The following FAM107B variants were observed in gnomAD, a reference collection of about 807,000 sequenced individuals.
FAM107B encodes the protein family with sequence similarity 107 member B, also known as protein FAM107B.
FAM107B carries 21 observed loss-of-function variants against 31.5 expected under a neutral mutation model. The ratio of observed to expected loss-of-function variants is 0.67; its 90% confidence interval spans 0.47 to 0.96. FAM107B has a LOEUF of 0.96. Among genes scored for constraint, FAM107B ranks in the 40% least tolerant of loss-of-function variants. The probability of loss-of-function intolerance (pLI) is 0.00; values close to 1 mark genes in which losing one functional copy is unlikely to be tolerated. For synonymous variants in FAM107B, 157 were observed against 141.5 expected (o/e 1.11, Z -0.78); for missense variants, 452 against 377.1 (o/e 1.20, Z -1.64).
chr10:14,766,903 C>T (rs1833173484), intron 1 of FAM107B, among the ~76,000 whole-genome samples: 1 of 149,396 alleles, frequency 6.7e-6, no homozygotes, highest in African/African-American at 2.5e-5. Context: ...TCAAACTCCT[C>T]CAAAGAACTG....
intron 2 of FAM107B, chr10:14,661,593 G>C (rs1328271841): frequency 6.6e-6 from 1 of 152,144 alleles, no homozygotes; most frequent in African/African-American, 2.4e-5. Flanking sequence ...TCACCACTGG[G>C]GCTCTTGGAT....
At chr10:14,561,460 G>C (rs1390458014) in intron 2 of FAM107B, among the ~76,000 whole-genome samples, 1 of 152,156 alleles carries the variant, frequency 6.6e-6, no homozygotes, top group Admixed American at 6.5e-5. Context: ...AAAGAGCTTT[G>C]GGCAGACGGA....
intron 1 of FAM107B, among the ~76,000 whole-genome samples, chr10:14,675,480 G>A (rs1280870153): frequency 6.6e-6 from 1 of 152,032 alleles, no homozygotes; most frequent in Non-Finnish European, 1.5e-5. Flanking sequence ...GTCATCCAAG[G>A]CCTGGTTCCA....
chr10:14,562,538 T>C (rs1850330904), intron 2 of FAM107B, among the ~76,000 whole-genome samples: 1 of 152,178 alleles, frequency 6.6e-6, no homozygotes, highest in African/African-American at 2.4e-5. Context: ...AACAAAGAAA[T>C]ACAAACATGA....
intron 1 of FAM107B, among the ~76,000 whole-genome samples, chr10:14,667,933 T>C (rs144235367): frequency 0.013 from 2,055 of 152,346 alleles, 58 homozygotes; most frequent in African/African-American, 0.045. Flanking sequence ...CACATGGTAG[T>C]GTCTATGCAT....
At chr10:14,753,984 G>A (rs902726469) in intron 1 of FAM107B, among the ~76,000 whole-genome samples, 6 of 149,708 alleles carry the variant, frequency 4.0e-5, no homozygotes, top group Non-Finnish European at 8.9e-5. Context: ...TGTCACCCAG[G>A]CTGGAGTGCA....
intron 2 of FAM107B, among the ~76,000 whole-genome samples, chr10:14,591,286 T>C (rs542614988): frequency 1.3e-5 from 2 of 152,336 alleles, no homozygotes; most frequent in South Asian, 4.1e-4. Flanking sequence ...AAAAGAGAGT[T>C]AGCACATATG....
intron 2 of FAM107B, among the ~76,000 whole-genome samples, chr10:14,624,642 A>C (rs1337640833): frequency 1.3e-5 from 2 of 152,188 alleles, no homozygotes; most frequent in Non-Finnish European, 2.9e-5. Flanking sequence ...TTTCAAAAAA[A>C]AAAGACTTGA....
chr10:14,700,444 C>A (rs1240466825), intron 1 of FAM107B, among the ~76,000 whole-genome samples: 1 of 152,096 alleles, frequency 6.6e-6, no homozygotes, highest in Non-Finnish European at 1.5e-5. Context: ...TATATGGAAG[C>A]AAACCTTAAA....
At position 14,770,428 on chromosome 10, in the gene FAM107B, C is replaced by T. The variant is rs1054168126; in HGVS notation, c.411+3825G>A. 2.0e-5 allele frequency among the ~76,000 whole-genome samples: 3 copies of T among 151,992 alleles called. No homozygotes were observed. The East Asian group carries it at 5.8e-4, about 29-fold the overall frequency. On this transcript the variant is annotated intron_variant, in intron 1 of 4. Transcript: ENST00000181796. ...ATCCCAGCTACTTGGGATGCTGAGG[C>T]AGGAGAATTACTTGAACACGGGAGG...
intron 1 of FAM107B, among the ~76,000 whole-genome samples, chr10:14,708,850 A>C (rs1191408439): frequency 6.6e-6 from 1 of 152,098 alleles, no homozygotes; most frequent in African/African-American, 2.4e-5. Context: ...TCACCAAAGA[A>C]AATATACAGA....
chr10:14,640,392 T>C (rs956049782), intron 2 of FAM107B, among the ~76,000 whole-genome samples: 1 of 152,234 alleles, frequency 6.6e-6, no homozygotes, highest in African/African-American at 2.4e-5. Context: ...GTTCTTTCCA[T>C]ATGCCTCCAT....
intron 1 of FAM107B, among the ~76,000 whole-genome samples, chr10:14,709,915 A>AG (rs1010151825): frequency 2.0e-5 from 3 of 152,158 alleles, no homozygotes; most frequent in Non-Finnish European, 4.4e-5. Flanking sequence ...CCTGGGATAT[A>AG]GGGGGGAGGA....
intron 2 of FAM107B, among the ~76,000 whole-genome samples, chr10:14,560,609 AT>A (rs1850159110): frequency 6.6e-6 from 1 of 152,182 alleles, no homozygotes; most frequent in Non-Finnish European, 1.5e-5. Flanking sequence ...GAAGTCAGAC[AT>A]GGCTCACCTG....
intron 1 of FAM107B, among the ~76,000 whole-genome samples, chr10:14,685,035 A>ATGCCCAGGG (rs1472214675): frequency 6.6e-6 from 1 of 152,012 alleles, no homozygotes; most frequent in Non-Finnish European, 1.5e-5. Context: ...CTCCCTATCA[A>ATGCCCAGGG]TGCCCAGGGT....
At chr10:14,661,152 C>A (rs1854228198) in intron 2 of FAM107B, among the ~76,000 whole-genome samples, 1 of 152,230 alleles carries the variant, frequency 6.6e-6, no homozygotes, top group Non-Finnish European at 1.5e-5. Flanking sequence ...CCTGTACAGC[C>A]TGCAGAACTG....
intron 1 of FAM107B, among the ~76,000 whole-genome samples, chr10:14,690,529 C>T (rs1392133566): frequency 1.3e-5 from 2 of 152,136 alleles, no homozygotes; most frequent in African/African-American, 2.4e-5. Context: ...ACTCAGCTCG[C>T]TGCAACCTCT....
At chr10:14,628,205 C>A (rs1442077822) in intron 2 of FAM107B, among the ~76,000 whole-genome samples, 1 of 148,954 alleles carries the variant, frequency 6.7e-6, no homozygotes, top group South Asian at 2.2e-4. Flanking sequence ...CAACCTCCCC[C>A]TCCTGGGTTC....
chr10:14,693,360 C>A (rs1163394526), intron 1 of FAM107B, among the ~76,000 whole-genome samples: 2 of 151,950 alleles, frequency 1.3e-5, no homozygotes, highest in Admixed American at 1.3e-4. Flanking sequence ...TGCCTGTAAT[C>A]CCAGCTACTT....
Sources: gnomAD v4.1 joint callset for allele counts (sites outside exome capture counted in the v4.1 genomes callset) on GRCh38, gnomAD v4.1.1 for gene constraint, MANE v1.5 for transcripts, NCBI Gene and HGNC (gene_info 2026-07-23, HGNC 2026-07-21) for gene names.